The following SLC44A1 variants were observed in gnomAD, a reference collection of about 807,000 sequenced individuals.
The protein encoded by SLC44A1 is solute carrier family 44 member 1, also known as choline transporter-like protein 1.
A neutral mutation model predicts 79.3 loss-of-function variants in SLC44A1; 26 were observed. That is an observed-to-expected ratio of 0.33 (90% CI 0.24 to 0.46). The LOEUF is 0.46. Ranked by LOEUF, SLC44A1 falls within the 20% of genes least tolerant of loss-of-function variation. The probability of loss-of-function intolerance (pLI) is 1.00; values close to 1 mark genes in which losing one functional copy is unlikely to be tolerated. For synonymous variants in SLC44A1, 263 were observed against 286.2 expected (o/e 0.92, Z 0.82); for missense variants, 688 against 798.1 (o/e 0.86, Z 1.66).
intron 1 of SLC44A1, among the ~76,000 whole-genome samples, chr9:105,278,473 C>G (rs1830266543): frequency 6.6e-6 from 1 of 152,214 alleles, no homozygotes; most frequent in African/African-American, 2.4e-5. Context: ...GGGTCTCGAT[C>G]TCTTGACCTC....
rs761454959 is a variant in SLC44A1 at position 105,365,622 on chromosome 9, A to C, written c.1393A>C (p.Ser465Arg). The C allele has an allele frequency of 2.5e-6, 4 of 1,613,766 alleles. No individual in the cohort carries two copies. The Admixed American group carries it at 6.7e-5, about 27-fold the overall frequency. Residue 465 changes from serine (S) to arginine (R), a missense_variant, in exon 11 of 16, where the codon AGT (serine) becomes CGT (arginine). Ser to Arg is a moderately radical substitution (Grantham distance 110). Coordinates refer to ENST00000374720, the MANE Select transcript of SLC44A1 (RefSeq NM_080546.5). ...IPRMILMYIH[S>R]QLKGKENACA... ...GCGAATGATCCTTATGTATATTCAC[A>C]GTCAGCTCAAAGGAAAGGTAAGGGG...
intron 2 of SLC44A1, among the ~76,000 whole-genome samples, chr9:105,303,719 A>G (rs754705445): frequency 2.0e-5 from 3 of 152,220 alleles, no homozygotes; most frequent in Admixed American, 1.3e-4. Context: ...CTCAAGAGGT[A>G]GACCCCACTC....
chr9:105,438,130 C>CTGTGTGTGTGTGTGTGTG (rs147203232), intron 15 of SLC44A1: 189 of 496,118 alleles, frequency 3.8e-4, no homozygotes, highest in African/African-American at 3.4e-3. Flanking sequence ...ATTTGTTAAT[C>CTGTGTGTGTGTGTGTGTG]TGTGTGTGTG....
chr9:105,288,974 T>A (rs76165652), intron 1 of SLC44A1, among the ~76,000 whole-genome samples: 5 of 152,240 alleles, frequency 3.3e-5, no homozygotes, highest in African/African-American at 1.2e-4. Flanking sequence ...CCAAAACTTA[T>A]TTAAAATGGG....
chr9:105,307,585 A>G (rs1425461931), intron 2 of SLC44A1, among the ~76,000 whole-genome samples: 2 of 151,732 alleles, frequency 1.3e-5, no homozygotes, highest in East Asian at 3.9e-4. Context: ...CAGAGGTTGC[A>G]GTGAGCCGAG....
chr9:105,261,186 C>A lies in SLC44A1; in HGVS notation c.36+16282C>A, dbSNP rs1438888570. On this transcript the variant is annotated intron_variant, in intron 1 of 15. Coordinates refer to ENST00000374720, the MANE Select transcript of SLC44A1 (RefSeq NM_080546.5). ...GTCTTGGTGTATACATTAATATTAA[C>A]CAATCAGGAAAAAAGGCACATCATA... Among the ~76,000 whole-genome samples, 4 of 152,200 alleles carry A rather than the reference C, an allele frequency of 2.6e-5. No individual in the cohort carries two copies. The South Asian group carries it at 8.3e-4, about 32-fold the overall frequency.
At chr9:105,341,520 T>C (rs978215783) in intron 4 of SLC44A1, among the ~76,000 whole-genome samples, 1 of 152,114 alleles carries the variant, frequency 6.6e-6, no homozygotes, top group Non-Finnish European at 1.5e-5. Flanking sequence ...CTTTAAAAAA[T>C]TGAAGTTGCC....
chr9:105,382,590 CATGT>C (rs1828500501), intron 13 of SLC44A1, among the ~76,000 whole-genome samples: 1 of 152,112 alleles, frequency 6.6e-6, no homozygotes, highest in Non-Finnish European at 1.5e-5. Flanking sequence ...AGAATGGTTA[CATGT>C]ATTTTAAATC....
chr9:105,290,598 G>A (rs1830581506), intron 1 of SLC44A1, among the ~76,000 whole-genome samples: 3 of 152,176 alleles, frequency 2.0e-5, no homozygotes, highest in South Asian at 4.1e-4. Flanking sequence ...TAATTATCAC[G>A]TGTTCATATG....
chr9:105,296,739 T>C (rs1432819396), intron 1 of SLC44A1, among the ~76,000 whole-genome samples: 1 of 152,248 alleles, frequency 6.6e-6, no homozygotes, highest in Non-Finnish European at 1.5e-5. Context: ...AGAAACATTC[T>C]TTATTCACAC....
At chr9:105,333,665 C>T (rs1016522179) in intron 3 of SLC44A1, among the ~76,000 whole-genome samples, 7 of 152,160 alleles carry the variant, frequency 4.6e-5, no homozygotes, top group African/African-American at 1.7e-4. Context: ...CAAAAATTAG[C>T]CGGGTGTGGT....
Position 105,365,484 on chromosome 9 carries a change from G to C in SLC44A1, c.1255G>C (p.Asp419His). The change falls in exon 11 of 16, where the codon GAT (aspartate) becomes CAT (histidine). Residue 419 changes from aspartate (D) to histidine (H), a missense_variant and splice_region_variant. Coordinates refer to ENST00000374720, the MANE Select transcript of SLC44A1 (RefSeq NM_080546.5). ...GAVVTYYFTR[D>H]KRNLPFTPIL... is the part of the protein sequence containing the mutation. Reference sequence around the variant, plus strand: ...TCTTTTTGGTCATTTTTTAAATAGGGATAAAAGGAATTTGCCATTTACACC... The same window carrying C: ...TCTTTTTGGTCATTTTTTAAATAGGCATAAAAGGAATTTGCCATTTACACC... 1.2e-6 allele frequency: 2 copies of C among 1,610,002 alleles called. No homozygotes were observed. The highest frequency in any genetic ancestry group is 2.2e-5 in the South Asian group (2 of 90,678).
chr9:105,369,319 AGTGGTTT>A (rs917430214), intron 12 of SLC44A1, among the ~76,000 whole-genome samples: 31 of 152,322 alleles, frequency 2.0e-4, no homozygotes, highest in Non-Finnish European at 4.1e-4. Context: ...CAGCAAATTC[AGTGGTTT>A]GTGCGGGCCT....
At chr9:105,248,131 G>A (rs1829501539) in intron 1 of SLC44A1, among the ~76,000 whole-genome samples, 1 of 152,230 alleles carries the variant, frequency 6.6e-6, no homozygotes, top group Admixed American at 6.5e-5. Flanking sequence ...GTAATCTGCA[G>A]TTCAGTTTAG....
At position 105,392,403 on chromosome 9, in the gene SLC44A1, CTTTT is replaced by C. The variant is rs57226567; in HGVS notation, c.*3371_*3374del. The C allele has an allele frequency of 0.025, 15,148 of 599,496 alleles. 359 individuals carry two copies. The highest frequency in any genetic ancestry group is 0.062 in the African/African-American group (1,507 of 24,350). The allele number at this position is 599,496 out of a possible 1,614,324, so 37.1% of individuals were successfully genotyped here. A position where few individuals can be genotyped will look rare whatever the true frequency, so the allele number is the denominator to read the frequency against. On this transcript the variant is annotated 3_prime_UTR_variant, in exon 16 of 16. Coordinates refer to ENST00000374720, the MANE Select transcript of SLC44A1 (RefSeq NM_080546.5). The stretch of plus-strand genomic sequence containing the variant: ...GTAGAGATGCTCTCTCTCTCTCTCT[CTTTT>C]TTTTTTTTTTTTTTTTTTTTTTTCC...
rs370759758 is a variant in SLC44A1, at chr9:105,378,223, C to T, written c.1632+3488C>T. On this transcript the variant is annotated intron_variant, in intron 13 of 15. Transcript: ENST00000374720. ...GAGATAGCGCCACTGCACTGCAGCC[C>T]GGACGACAAAGCGGGACTCTGTCTC... Among the ~76,000 whole-genome samples, 10 of 152,194 alleles carry T rather than the reference C, an allele frequency of 6.6e-5. No individual in the cohort carries two copies. In the South Asian group the frequency reaches 1.7e-3, roughly 25 times the overall value.
intron 1 of SLC44A1, among the ~76,000 whole-genome samples, chr9:105,246,977 C>T (rs1037002677): frequency 6.6e-6 from 1 of 152,108 alleles, no homozygotes. Flanking sequence ...CATTTTTTTC[C>T]TGTGGATTCC....
chr9:105,316,403 C>A (rs112834760), intron 3 of SLC44A1, among the ~76,000 whole-genome samples: 2,583 of 152,106 alleles, frequency 0.017, 25 homozygotes, highest in Middle Eastern at 0.041. Flanking sequence ...AATTGCAAAC[C>A]AGTATGTACA....
In SLC44A1 at chr9:105,389,309, T is replaced by C; in HGVS notation, c.*253T>C. On this transcript the variant is annotated 3_prime_UTR_variant, in exon 16 of 16. Coordinates refer to ENST00000374720, the MANE Select transcript of SLC44A1 (RefSeq NM_080546.5). ...GCTTTTACAAGGCAACTTCCGTCATTTAATGTTTTCAACTGTAATTGTCTT... is the reference window on the plus strand; with the variant it reads ...GCTTTTACAAGGCAACTTCCGTCATCTAATGTTTTCAACTGTAATTGTCTT... 1.7e-6 allele frequency: 2 copies of C among 1,188,276 alleles called. No individual in the cohort carries two copies. The highest frequency in any genetic ancestry group is 2.1e-6 in the Non-Finnish European group (2 of 959,266). 73.6% of individuals were successfully genotyped at this position (1,188,276 alleles called of 1,614,324 possible).
Sources: gnomAD v4.1 joint callset for allele counts (sites outside exome capture counted in the v4.1 genomes callset) on GRCh38, gnomAD v4.1.1 for gene constraint, MANE v1.5 for transcripts, NCBI Gene and HGNC (gene_info 2026-07-23, HGNC 2026-07-21) for gene names.